Variants in KCTD1 observed in about 807,000 individuals in gnomAD.
KCTD1 encodes potassium channel tetramerization domain containing 1, also known as BTB/POZ domain-containing protein KCTD1.
A neutral mutation model predicts 66.0 loss-of-function variants in KCTD1; 24 were observed. The observed-to-expected ratio is 0.36, with a 90% CI of 0.26 to 0.51. The LOEUF is 0.51. KCTD1 is among the 20% of genes least tolerant of loss of function. The pLI, the probability that KCTD1 is intolerant of heterozygous loss-of-function variation, is 0.95. For missense variants in KCTD1, 943 were observed against 1,205.2 expected (o/e 0.78, Z 3.22); for synonymous variants, 511 against 517.2 (o/e 0.99, Z 0.16).
At chr18:26,513,677 C>T (rs1983474826) in intron 1 of KCTD1, among the ~76,000 whole-genome samples, 1 of 152,186 alleles carries the variant, frequency 6.6e-6, no homozygotes. Flanking sequence ...TGCAGTCGGA[C>T]CAGATGCTCT....
chr18:26,577,687 G>A (rs116512649), intron 1 of KCTD1, among the ~76,000 whole-genome samples: 3,091 of 152,036 alleles, frequency 0.02, 79 homozygotes, highest in African/African-American at 0.059. Context: ...CTAGGACTAC[G>A]GGAGTCCAAC....
chr18:26,542,631 G>A lies in KCTD1; in HGVS notation c.1809+4097C>T, dbSNP rs146587368. On this transcript the variant is annotated intron_variant, in intron 1 of 4. Coordinates refer to ENST00000580059, the MANE Select transcript of KCTD1 (RefSeq NM_001142730.3). Reference sequence around the variant, plus strand: ...GTCTCACATATAACTAGTGGTCCTCGGAAAACAAAGGCTTCTTCCTGCTTG... The same window carrying A: ...GTCTCACATATAACTAGTGGTCCTCAGAAAACAAAGGCTTCTTCCTGCTTG... Among the ~76,000 whole-genome samples, 4 of 152,252 alleles carry A rather than the reference G, an allele frequency of 2.6e-5. No homozygotes were observed. The East Asian group carries it at 5.8e-4, about 22-fold the overall frequency.
At chr18:26,465,651 G>C (rs1980685514) in intron 3 of KCTD1, among the ~76,000 whole-genome samples, 2 of 152,230 alleles carry the variant, frequency 1.3e-5, no homozygotes, top group South Asian at 4.1e-4. Context: ...AGCACACACA[G>C]GTGACCGTGT....
At chr18:26,611,577 C>T (rs1028468810) in intron 1 of KCTD1, among the ~76,000 whole-genome samples, 5 of 152,176 alleles carry the variant, frequency 3.3e-5, no homozygotes, top group Non-Finnish European at 5.9e-5. Context: ...TCTCAAACTG[C>T]TGACCTAAGG....
chr18:26,524,749 G>T (rs1260696979), intron 1 of KCTD1, among the ~76,000 whole-genome samples: 1 of 151,994 alleles, frequency 6.6e-6, no homozygotes, highest in Non-Finnish European at 1.5e-5. Flanking sequence ...GGAAAATGGG[G>T]GATTGGCAGT....
intron 1 of KCTD1, among the ~76,000 whole-genome samples, chr18:26,568,777 T>G (rs1986039853): frequency 6.6e-6 from 1 of 152,216 alleles, no homozygotes; most frequent in South Asian, 2.1e-4. Context: ...ATACCCAGCT[T>G]TGTACATTGC....
Position 26,546,860 on chromosome 18 carries a change from G to A in KCTD1, c.1677C>T (p.Pro559=). 2 of 1,510,108 alleles carry A rather than the reference G, an allele frequency of 1.3e-6. No individual in the cohort carries two copies. Among genetic ancestry groups the A allele is most frequent in the South Asian group, 2.7e-5 (2 of 75,172 alleles). The allele number at this position is 1,510,108 out of a possible 1,614,324, so 93.5% of individuals were successfully genotyped here. The stretch of plus-strand genomic sequence containing the variant: ...CCACCACCGCATCCACAGGCTCCGA[G>A]GGGCGGATACAAAGTCTTTTGGGGG... ...PTSPKRLCIR[P]SEPVDAVVVV... The change falls in exon 1 of 5, where the codon CCC becomes CCT. Residue 559 remains proline, a synonymous_variant. Transcript: ENST00000580059.
intron 1 of KCTD1, chr18:26,545,383 A>C (rs1056202803): frequency 6.6e-6 from 1 of 152,252 alleles, no homozygotes; most frequent in African/African-American, 2.4e-5. Flanking sequence ...CCTGAAGTAC[A>C]GAAGACACAT....
At chr18:26,606,798 T>A (rs1987027080) in intron 1 of KCTD1, among the ~76,000 whole-genome samples, 1 of 152,242 alleles carries the variant, frequency 6.6e-6, no homozygotes, top group Admixed American at 6.5e-5. Flanking sequence ...TAGACTCGTG[T>A]AACATAAAGA....
chr18:26,542,255 C>A (rs1383678351), intron 1 of KCTD1, among the ~76,000 whole-genome samples: 1 of 152,186 alleles, frequency 6.6e-6, no homozygotes, highest in African/African-American at 2.4e-5. Flanking sequence ...CAAGGTCAAT[C>A]CATATCCCCT....
At chr18:26,597,638 C>A (rs1210943335) in intron 1 of KCTD1, among the ~76,000 whole-genome samples, 1 of 150,652 alleles carries the variant, frequency 6.6e-6, no homozygotes, top group Admixed American at 6.6e-5. Flanking sequence ...AATGAACACA[C>A]CTAGTACTGA....
chr18:26,646,847 T>C (rs1402453367), intron 1 of KCTD1, among the ~76,000 whole-genome samples: 1 of 152,124 alleles, frequency 6.6e-6, no homozygotes, highest in Admixed American at 6.5e-5. Flanking sequence ...AGTGAAAGAA[T>C]AGCATGTGCA....
intron 1 of KCTD1, among the ~76,000 whole-genome samples, chr18:26,538,090 T>C (rs1161316800): frequency 2.7e-5 from 4 of 150,856 alleles, no homozygotes; most frequent in Non-Finnish European, 4.4e-5. Context: ...CTACTAAAAA[T>C]ACAAAAATTA....
upstream of KCTD1, among the ~76,000 whole-genome samples, chr18:26,549,997 A>G (rs1985489918): frequency 6.6e-6 from 1 of 151,970 alleles, no homozygotes; most frequent in African/African-American, 2.4e-5. Flanking sequence ...TAGGAGGCAC[A>G]GCCCAGGCCA....
rs1359554768 is a variant in KCTD1 at position 26,490,008 on chromosome 18, G to T, written c.1988+11064C>A. Among the ~76,000 whole-genome samples, 7 of 152,188 alleles carry T rather than the reference G, an allele frequency of 4.6e-5. No homozygotes were observed. The East Asian group carries it at 9.6e-4, about 21-fold the overall frequency. The stretch of plus-strand genomic sequence containing the variant: ...TACGATGAAAAAACAGAGCAAAAAT[G>T]CCTGGGGTGTTGCTCAATGATATTA... On this transcript the variant is annotated intron_variant, in intron 2 of 4. Coordinates refer to ENST00000580059, the MANE Select transcript of KCTD1 (RefSeq NM_001142730.3).
rs199631906 is a variant in KCTD1, at chr18:26,501,135, A to G, written c.1925T>C (p.Ile642Thr). The G allele has an allele frequency of 2.5e-6, 4 of 1,614,234 alleles. No homozygotes were observed. Among genetic ancestry groups the G allele is most frequent in the East Asian group, 2.2e-5 (1 of 44,890 alleles). Residue 642 changes from isoleucine to threonine, a missense_variant, in exon 2 of 5, where the codon ATT (isoleucine) becomes ACT (threonine). Transcript: ENST00000580059. ...QLTKSNAPVH[I>T]DVGGHMYTSS... ...GGTGTACATGTGGCCGCCCACATCA[A>G]TGTGGACAGGCGCATTGGATTTTGT...
chr18:26,461,211 T>C (rs1472910241), intron 3 of KCTD1, among the ~76,000 whole-genome samples: 2 of 152,252 alleles, frequency 1.3e-5, no homozygotes, highest in Non-Finnish European at 2.9e-5. Context: ...TGTAGCGGCA[T>C]TATTCAACGC....
At chr18:26,482,714 A>C (rs1486935385) in intron 2 of KCTD1, among the ~76,000 whole-genome samples, 1 of 152,136 alleles carries the variant, frequency 6.6e-6, no homozygotes, top group Admixed American at 6.5e-5. Flanking sequence ...GCCTGGCTTT[A>C]CCGAGAGGCC....
intron 2 of KCTD1, among the ~76,000 whole-genome samples, chr18:26,484,203 A>T (rs1981797402): frequency 6.6e-6 from 1 of 152,222 alleles, no homozygotes; most frequent in Admixed American, 6.5e-5. Context: ...ATATTTCATG[A>T]ACACAGATAA....
Sources: allele counts gnomAD v4.1 joint callset (sites outside exome capture counted in the v4.1 genomes callset), GRCh38; gene constraint gnomAD v4.1.1; transcripts MANE v1.5; gene names NCBI Gene and HGNC (gene_info 2026-07-23, HGNC 2026-07-21).